The following PRG4 variants were observed in gnomAD, a reference collection of about 807,000 sequenced individuals.
PRG4 encodes the protein proteoglycan 4.
A neutral mutation model predicts 91.2 loss-of-function variants in PRG4; 61 were observed. The ratio of observed to expected loss-of-function variants is 0.67; its 90% CI spans 0.54 to 0.83. The LOEUF (loss-of-function observed/expected upper bound fraction) is 0.83, where lower values mean the gene tolerates loss of function less well. Ranked by LOEUF, PRG4 falls within the 40% of genes least tolerant of loss-of-function variation. PRG4 has a pLI of 0.00. For synonymous variants in PRG4, 576 were observed against 614.2 expected, an observed-to-expected ratio of 0.94 and a Z score of 0.92; for missense variants, 1,564 against 1,714.2, an observed-to-expected ratio of 0.91 and a Z score of 1.55.
chr1:186,313,765 AC>A lies in PRG4; in HGVS notation c.4203del (p.Tyr1401Ter). 6.2e-7 allele frequency: 1 copy of A among 1,603,372 alleles called. No individual in the cohort carries two copies. Among genetic ancestry groups the A allele is most frequent in the South Asian group, 1.1e-5 (1 of 90,846 alleles). The stretch of plus-strand genomic sequence containing the variant: ...GGGCAGACCTTATCCAAAGTCTGGT[AC>A]AACTGTCCTTAGACTGATGAGCAAA... ...RSGQTLSKVWYNCP is the reference protein window; with the variant it reads ...RSGQTLSKVWXNCP On this transcript the variant is annotated frameshift_variant, in exon 13 of 13. Transcript: ENST00000445192. LOFTEE classifies it high-confidence loss of function.
In PRG4 at chr1:186,304,775, C is replaced by G. The variant is rs1362906599; in HGVS notation, c.470-19C>G. 1 of 1,607,704 alleles carries G rather than the reference C, an allele frequency of 6.2e-7. No individual in the cohort carries two copies. Among genetic ancestry groups the G allele is most frequent in the Admixed American group, 1.7e-5 (1 of 59,966 alleles). On this transcript the variant is annotated intron_variant, in intron 5 of 12. Transcript: ENST00000445192. ...TTAAATCACAGTTGGTGTGATCAAA[C>G]TTTCTATTTGATTTATAGAACATTC...
intron 4 of PRG4, among the ~76,000 whole-genome samples, chr1:186,303,351 T>C (rs1244101177): frequency 6.6e-6 from 1 of 151,898 alleles, no homozygotes; most frequent in Admixed American, 6.6e-5. Context: ...AGTAGGGTTC[T>C]GGGGCGATGT....
At chr1:186,305,731 A>C (rs1187792342) in intron 6 of PRG4, among the ~76,000 whole-genome samples, 2 of 152,080 alleles carry the variant, frequency 1.3e-5, no homozygotes, top group African/African-American at 2.4e-5. Flanking sequence ...AGCCTTGATA[A>C]ATACTGTCTT....
intron 8 of PRG4, among the ~76,000 whole-genome samples, chr1:186,310,147 G>GA (rs1553225132): frequency 2.0e-5 from 2 of 98,198 alleles, no homozygotes; most frequent in Non-Finnish European, 4.1e-5. Flanking sequence ...GGGGGGGGGG[G>GA]TAGTTAAAAT....
At chr1:186,301,458 T>C (rs1195970030) in intron 3 of PRG4, 134 bp from the exon 4 acceptor site, 2 of 1,311,652 alleles carry the variant, frequency 1.5e-6, no homozygotes, top group Non-Finnish European at 2.1e-6. Flanking sequence ...GATGATGTAC[T>C]CCAAATTTCA....
chr1:186,312,705 G>T, intron 11 of PRG4, 64 bp from the exon 12 acceptor site: 1 of 1,532,094 alleles, frequency 6.5e-7, no homozygotes, highest in Non-Finnish European at 9.0e-7. Flanking sequence ...CAGATGTCTG[G>T]CTCTTTCCAA....
Position 186,307,409 on chromosome 1 carries a change from A to G in PRG4, c.1690A>G (p.Thr564Ala). The G allele has an allele frequency of 1.3e-6, 2 of 1,581,920 alleles. No individual in the cohort carries two copies. The highest frequency in any genetic ancestry group is 1.7e-6 in the Non-Finnish European group (2 of 1,169,490). ...CACCACCAAGGAGCCTGCACCCACC[A>G]CTCCCAAGGAGCCTGCACCCACCAC... ...PTTTKEPAPT[T>A]PKEPAPTTPK... Residue 564 changes from threonine to alanine, a missense_variant, in exon 7 of 13, where the codon ACT becomes GCT. Thr to Ala is a moderately conservative substitution (Grantham distance 58). Coordinates refer to ENST00000445192, the MANE Select transcript of PRG4 (RefSeq NM_005807.6).
intron 12 of PRG4, 153 bp downstream of exon 12, chr1:186,313,047 C>G (rs1657401773): frequency 7.4e-6 from 6 of 812,522 alleles, no homozygotes; most frequent in African/African-American, 1.7e-5. Context: ...AAGACTTTTG[C>G]TTTAATTTCA....
At chr1:186,304,974 A>C (rs770714381) in intron 6 of PRG4, 52 bp downstream of exon 6, 2 of 1,574,182 alleles carry the variant, frequency 1.3e-6, no homozygotes, top group Admixed American at 3.4e-5. Context: ...ATTAACAATG[A>C]TTATATTTAA....
At chr1:186,296,619 A>T (rs1655875125) in intron 1 of PRG4, among the ~76,000 whole-genome samples, 1 of 152,252 alleles carries the variant, frequency 6.6e-6, no homozygotes, top group Non-Finnish European at 1.5e-5. Flanking sequence ...CTTAAGAATT[A>T]AAACTGTCAA....
At position 186,306,536 on chromosome 1, in the gene PRG4, G is replaced by C. The variant is rs1223162918; in HGVS notation, c.817G>C (p.Glu273Gln). The C allele has an allele frequency of 2.0e-5, 32 of 1,613,086 alleles. No homozygotes were observed. Among genetic ancestry groups the C allele is most frequent in the Non-Finnish European group, 2.5e-5 (30 of 1,179,368 alleles). ...SLPPNSDTSKETSLTVNKETT... is the reference protein window; with the variant it reads ...SLPPNSDTSKQTSLTVNKETT... ...TCCACCTAATTCTGATACATCTAAA[G>C]AGACGTCTTTGACAGTGAATAAAGA... is the stretch of plus-strand genomic sequence containing the variant. The change falls in exon 7 of 13, where the codon GAG becomes CAG. Residue 273 changes from glutamate (E) to glutamine (Q), a missense_variant. This residue lies in a region of PRG4 where 437 missense variants were observed against 459.0 expected (regional missense o/e 0.95). Coordinates refer to ENST00000445192, the MANE Select transcript of PRG4 (RefSeq NM_005807.6).
Position 186,307,529 on chromosome 1 carries a change from A to G in PRG4, c.1810A>G (p.Thr604Ala), listed in dbSNP as rs61831150. The G allele has an allele frequency of 0.32, 512,916 of 1,586,220 alleles. 85,897 individuals carry two copies. The highest frequency in any genetic ancestry group is 0.41 in the Admixed American group (23,549 of 56,920). The change falls in exon 7 of 13, where the codon ACT (threonine) becomes GCT (alanine). Residue 604 changes from threonine to alanine, a missense_variant. Coordinates refer to ENST00000445192, the MANE Select transcript of PRG4 (RefSeq NM_005807.6). Reference sequence around the variant, plus strand: ...CACCACCAAGAAGCCTGCACCCACCACTCCCAAAGAGCCTGCCCCAACTAC... The same window carrying G: ...CACCACCAAGAAGCCTGCACCCACCGCTCCCAAAGAGCCTGCCCCAACTAC... The part of the protein sequence containing the change: ...PTTTKKPAPT[T>A]PKEPAPTTPK...
At chr1:186,312,408 A>C in intron 11 of PRG4, 36 bp downstream of exon 11, 2 of 1,553,040 alleles carry the variant, frequency 1.3e-6, no homozygotes, top group Non-Finnish European at 8.8e-7. Context: ...ATCCTTAAAC[A>C]TAAGTAGATG....
chr1:186,309,825 G>A lies in PRG4; in HGVS notation c.3454G>A (p.Asp1152Asn), dbSNP rs143547980. Residue 1152 changes from aspartate (D) to asparagine (N), a missense_variant, in exon 8 of 13, where the codon GAT becomes AAT. By Grantham distance (23) the Asp-to-Asn change is conservative. Transcript: ENST00000445192. ...ETNICNGKPVDGLTTLRNGTL... is the reference protein window; with the variant it reads ...ETNICNGKPVNGLTTLRNGTL... Reference sequence around the variant, plus strand: ...CAATATATGCAATGGTAAGCCAGTAGATGGACTGACTACTTTGCGCAATGG... The same window carrying A: ...CAATATATGCAATGGTAAGCCAGTAAATGGACTGACTACTTTGCGCAATGG... The A allele has an allele frequency of 6.2e-7, 1 of 1,613,656 alleles. No homozygotes were observed. Among genetic ancestry groups the A allele is most frequent in the African/African-American group, 1.3e-5 (1 of 74,914 alleles).
At chr1:186,301,499 A>G in intron 3 of PRG4, 93 bp from the exon 4 acceptor site, 1 of 1,568,186 alleles carries the variant, frequency 6.4e-7, no homozygotes, top group Non-Finnish European at 8.7e-7. Flanking sequence ...ACTTTTGGAA[A>G]CCTAGTCAAG....
At position 186,314,116 on chromosome 1, in the gene PRG4, C is replaced by G; in HGVS notation, c.*338C>G. 1 of 1,242,028 alleles carries G rather than the reference C, an allele frequency of 8.1e-7. No homozygotes were observed. The highest frequency in any genetic ancestry group is 1.1e-6 in the Non-Finnish European group (1 of 879,044). 76.9% of individuals were successfully genotyped at this position (1,242,028 alleles called of 1,614,324 possible). On this transcript the variant is annotated 3_prime_UTR_variant, in exon 13 of 13. Coordinates refer to ENST00000445192, the MANE Select transcript of PRG4 (RefSeq NM_005807.6). ...TACCCTAGTTCATTATAAAAAATATCTAGGCATTGTGGATATAAAACTGTT... is the reference window on the plus strand; with the variant it reads ...TACCCTAGTTCATTATAAAAAATATGTAGGCATTGTGGATATAAAACTGTT...
Position 186,312,351 on chromosome 1 carries a change from A to C in PRG4, c.3970A>C (p.Arg1324=), listed in dbSNP as rs1203795908. The change falls in exon 11 of 13, where the codon AGA becomes CGA. Residue 1324 remains arginine, a synonymous_variant. Coordinates refer to ENST00000445192, the MANE Select transcript of PRG4 (RefSeq NM_005807.6). ...CATCAGAATTCAATATTCACCTGCC[A>C]GACTGGCTTATCAAGACAAAGGTAA... ...HTIRIQYSPA[R]LAYQDKGVLH... is the part of the protein sequence containing the mutation. The C allele has an allele frequency of 1.9e-6, 3 of 1,608,790 alleles. No individual in the cohort carries two copies. The highest frequency in any genetic ancestry group is 2.5e-6 in the Non-Finnish European group (3 of 1,178,356).
At chr1:186,312,051 CAATAT>C (rs1160401547) in intron 10 of PRG4, 119 bp from the exon 11 acceptor site, 6 of 741,738 alleles carry the variant, frequency 8.1e-6, no homozygotes, top group African/African-American at 5.3e-5. Flanking sequence ...TTATTAATAT[CAATAT>C]ATTATATGAA....
Position 186,309,024 on chromosome 1 carries a change from G to T in PRG4, c.3305G>T (p.Gly1102Val), listed in dbSNP as rs1421881595. Residue 1102 changes from glycine to valine, a missense_variant, in exon 7 of 13, where the codon GGA becomes GTA. Physicochemically the swap from Gly to Val is moderately radical, Grantham distance 109. Around this residue, in one of 3 missense-constraint regions of PRG4, gnomAD observed 1,079 missense variants for 1,162.2 expected, o/e 0.93. Coordinates refer to ENST00000445192, the MANE Select transcript of PRG4 (RefSeq NM_005807.6). ...PKSEDAGGAE[G>V]ETPHMLLRPH... Reference sequence around the variant, plus strand: ...AGTGAAGATGCAGGTGGTGCTGAAGGAGAAACACCTCATATGCTTCTCAGG... The same window carrying T: ...AGTGAAGATGCAGGTGGTGCTGAAGTAGAAACACCTCATATGCTTCTCAGG... The T allele has an allele frequency of 1.2e-6, 2 of 1,611,686 alleles. No individual in the cohort carries two copies. The highest frequency in any genetic ancestry group is 1.7e-6 in the Non-Finnish European group (2 of 1,178,584).
Sources: gnomAD v4.1 joint callset for allele counts (sites outside exome capture counted in the v4.1 genomes callset) on GRCh38, gnomAD v4.1.1 for gene constraint, gnomAD v4.1.1 regional missense constraint, MANE v1.5 for transcripts, NCBI Gene and HGNC (gene_info 2026-07-23, HGNC 2026-07-21) for gene names.